The following MUSK variants were observed in gnomAD, a reference collection of about 807,000 sequenced individuals.
MUSK encodes muscle associated receptor tyrosine kinase.
A neutral mutation model predicts 88.7 loss-of-function variants in MUSK; 55 were observed. The observed-to-expected ratio is 0.62, with a 90% CI of 0.50 to 0.78. The LOEUF is 0.78. Among genes scored for constraint, MUSK ranks in the 30% least tolerant of loss-of-function variants. The pLI is 0.00. For synonymous variants in MUSK, 387 were observed against 391.9 expected (o/e 0.99, Z 0.15); for missense variants, 1,015 against 1,074.3 (o/e 0.94, Z 0.77).
intron 5 of MUSK, among the ~76,000 whole-genome samples, chr9:110,698,064 C>T (rs1243117583): frequency 6.6e-6 from 1 of 152,114 alleles, no homozygotes; most frequent in Non-Finnish European, 1.5e-5. Flanking sequence ...AATCAGAATC[C>T]AAATAGGTCT....
Position 110,747,726 on chromosome 9 carries a change from A to G in MUSK, c.839A>G (p.Tyr280Cys), listed in dbSNP as rs1222717103. The change falls in exon 7 of 15, where the codon TAC (tyrosine) becomes TGC (cysteine). Residue 280 changes from tyrosine (Y) to cysteine (C), a missense_variant. By Grantham distance (194) the Tyr-to-Cys change is radical. Transcript: ENST00000374448. ...CTGTTTATCACCAAGCCAGGACTCT[A>G]CACATGCATAGCTACCAATAAGCAT... The part of the protein sequence containing the change: ...LQLFITKPGL[Y>C]TCIATNKHGE... 6.2e-7 allele frequency: 1 copy of G among 1,613,880 alleles called. No individual in the cohort carries two copies. The highest frequency in any genetic ancestry group is 2.2e-5 in the East Asian group (1 of 44,876).
chr9:110,729,326 T>TAAAA (rs34882321), intron 5 of MUSK, among the ~76,000 whole-genome samples: 4 of 97,430 alleles, frequency 4.1e-5, no homozygotes, highest in African/African-American at 1.1e-4. Context: ...CTGTTTTCTG[T>TAAAA]AAAAAAAAAA....
intron 6 of MUSK, among the ~76,000 whole-genome samples, chr9:110,736,338 A>G (rs943623463): frequency 6.6e-6 from 1 of 152,158 alleles, no homozygotes; most frequent in African/African-American, 2.4e-5. Flanking sequence ...GAGGAAGATT[A>G]TATTTTTAAA....
Position 110,800,574 on chromosome 9 carries a change from G to A in MUSK, c.2196G>A (p.Leu732=), listed in dbSNP as rs1300229964. 6.2e-7 allele frequency: 1 copy of A among 1,613,606 alleles called. No homozygotes were observed. The highest frequency in any genetic ancestry group is 8.5e-7 in the Non-Finnish European group (1 of 1,179,854). Residue 732 remains leucine (L), a synonymous_variant, in exon 15 of 15, where the codon CTG becomes CTA. Transcript: ENST00000374448. The stretch of plus-strand genomic sequence containing the variant: ...GAGATTTAGCCACCAGGAACTGCCT[G>A]GTGGGCGAGAACATGGTGGTGAAAA... ...VHRDLATRNC[L]VGENMVVKIA...
chr9:110,692,167 T>C (rs2076365567), intron 3 of MUSK, among the ~76,000 whole-genome samples: 1 of 152,046 alleles, frequency 6.6e-6, no homozygotes, highest in Non-Finnish European at 1.5e-5. Context: ...TTGTTTTGTT[T>C]TGGTTTTTTT....
In MUSK at chr9:110,687,281, C is replaced by T; in HGVS notation, c.358+13C>T. The stretch of plus-strand genomic sequence containing the variant: ...CAAGTGAAGATGAGTGAGTGGGAAA[C>T]AGATTCGTCTATTGATTTGAAAGTT... On this transcript the variant is annotated intron_variant, in intron 3 of 14. Transcript: ENST00000374448. 1 of 1,613,074 alleles carries T rather than the reference C, an allele frequency of 6.2e-7. No homozygotes were observed. The highest frequency in any genetic ancestry group is 8.5e-7 in the Non-Finnish European group (1 of 1,179,398).
At chr9:110,736,942 C>T (rs1026618885) in intron 6 of MUSK, among the ~76,000 whole-genome samples, 6 of 151,902 alleles carry the variant, frequency 3.9e-5, no homozygotes, top group African/African-American at 1.2e-4. Flanking sequence ...ACACTGATAG[C>T]TCCCTGATAT....
intron 9 of MUSK, among the ~76,000 whole-genome samples, chr9:110,769,871 T>C (rs1173385435): frequency 6.6e-6 from 1 of 152,038 alleles, no homozygotes; most frequent in Non-Finnish European, 1.5e-5. Flanking sequence ...ACACCATGGA[T>C]AGATGCTTGA....
intron 5 of MUSK, among the ~76,000 whole-genome samples, chr9:110,714,220 T>C (rs1406382987): frequency 6.6e-6 from 1 of 152,212 alleles, no homozygotes; most frequent in Admixed American, 6.6e-5. Flanking sequence ...TTGCTTTATA[T>C]ACACCTAAGA....
At chr9:110,692,873 G>T (rs935416085) in intron 3 of MUSK, among the ~76,000 whole-genome samples, 1 of 150,972 alleles carries the variant, frequency 6.6e-6, no homozygotes, top group Non-Finnish European at 1.5e-5. Flanking sequence ...AATTGATTTT[G>T]TTTGGGTTCC....
At chr9:110,682,052 C>T (rs754350470) in intron 1 of MUSK, among the ~76,000 whole-genome samples, 3 of 152,002 alleles carry the variant, frequency 2.0e-5, no homozygotes, top group East Asian at 1.9e-4. Context: ...ACATACCGTG[C>T]GCTTTACCCA....
chr9:110,784,044 T>C (rs1281066003), intron 11 of MUSK, among the ~76,000 whole-genome samples: 1 of 152,140 alleles, frequency 6.6e-6, no homozygotes, highest in Non-Finnish European at 1.5e-5. Flanking sequence ...TTGAGATTAA[T>C]CCACAAATAT....
rs2077508597 is a variant in MUSK, at chr9:110,767,881, G to T, written c.982G>T (p.Val328Phe). 1.9e-6 allele frequency: 3 copies of T among 1,614,020 alleles called. No individual in the cohort carries two copies. The highest frequency in any genetic ancestry group is 2.5e-6 in the Non-Finnish European group (3 of 1,179,886). The change falls in exon 9 of 15, where the codon GTC (valine) becomes TTC (phenylalanine). Residue 328 changes from valine to phenylalanine, a missense_variant. Physicochemically the swap from Val to Phe is conservative, Grantham distance 50. Coordinates refer to ENST00000374448, the MANE Select transcript of MUSK (RefSeq NM_005592.4). Reference protein sequence around the residue: ...AQYRGEVCNAVLAKDALVFLN... With the variant: ...AQYRGEVCNAFLAKDALVFLN... ...GTACAGAGGGGAGGTGTGTAATGCA[G>T]TCCTGGCAAAAGATGCTCTTGTTTT... is the stretch of plus-strand genomic sequence containing the variant.
intron 5 of MUSK, among the ~76,000 whole-genome samples, chr9:110,718,208 C>A (rs1274476338): frequency 6.6e-6 from 1 of 152,020 alleles, no homozygotes; most frequent in Non-Finnish European, 1.5e-5. Context: ...CACTATGGTG[C>A]CTTCCTTCCC....
rs112954401 is a variant in MUSK at position 110,699,740 on chromosome 9, G to T, written c.628+2274G>T. ...AGATGATGAGGCAGGGCCATCGTCA[G>T]TTGGGGCAGACGAGCATATGTATGT... On this transcript the variant is annotated intron_variant, in intron 5 of 14. Coordinates refer to ENST00000374448, the MANE Select transcript of MUSK (RefSeq NM_005592.4). Among the ~76,000 whole-genome samples the T allele has an allele frequency of 2.0e-3, 307 of 152,296 alleles. 2 individuals carry two copies. The highest frequency in any genetic ancestry group is 6.9e-3 in the African/African-American group (285 of 41,570).
rs377308841 is a variant in MUSK, at chr9:110,669,826, G to A, written c.79+843G>A. Reference sequence around the variant, plus strand: ...TTAAAAAGACATGAGAAAGCAGATCGAGTGGTATCAATACAAGAGTTTTCA... The same window carrying A: ...TTAAAAAGACATGAGAAAGCAGATCAAGTGGTATCAATACAAGAGTTTTCA... On this transcript the variant is annotated intron_variant, in intron 1 of 14. Transcript: ENST00000374448. Among the ~76,000 whole-genome samples, 143 of 152,276 alleles carry A rather than the reference G, an allele frequency of 9.4e-4. 3 individuals carry two copies. In the South Asian group the frequency reaches 0.022, roughly 23 times the overall value.
At chr9:110,762,995 A>G (rs533989316) in intron 8 of MUSK, among the ~76,000 whole-genome samples, 1 of 152,300 alleles carries the variant, frequency 6.6e-6, no homozygotes, top group South Asian at 2.1e-4. Flanking sequence ...GAAAATGGTA[A>G]GTATGTGAGG....
chr9:110,688,489 C>A (rs2076226703), intron 3 of MUSK, among the ~76,000 whole-genome samples: 1 of 152,006 alleles, frequency 6.6e-6, no homozygotes, highest in Non-Finnish European at 1.5e-5. Context: ...TTCAGGGGTA[C>A]ATCTGCAGAA....
chr9:110,728,321 G>C (rs539817261), intron 5 of MUSK: 1 of 212,156 alleles, frequency 4.7e-6, no homozygotes, highest in Non-Finnish European at 9.3e-6. Context: ...AAGCTACAAG[G>C]GGGGAACGCA....
Sources: allele counts gnomAD v4.1 joint callset (sites outside exome capture counted in the v4.1 genomes callset), GRCh38; gene constraint gnomAD v4.1.1; transcripts MANE v1.5; gene names NCBI Gene and HGNC (gene_info 2026-07-23, HGNC 2026-07-21).